Variants in ME1 observed in about 807,000 individuals in gnomAD.
ME1 encodes malic enzyme 1.
ME1 carries 74 observed loss-of-function variants against 66.4 expected under a neutral mutation model. That is an observed-to-expected ratio of 1.11 (90% CI 0.92 to 1.35). The LOEUF is 1.35. Among genes scored for constraint, ME1 ranks in the 40% most tolerant of loss-of-function variants. The pLI, the probability that ME1 is intolerant of heterozygous loss-of-function variation, is 0.00. For synonymous variants in ME1, 251 were observed against 235.6 expected (o/e 1.07, Z -0.60); for missense variants, 750 against 694.1 (o/e 1.08, Z -0.90).
rs144168766 is a variant in ME1, at chr6:83,409,853, C to T, written c.79-1952G>A. Among the ~76,000 whole-genome samples the T allele has an allele frequency of 4.8e-3, 725 of 152,322 alleles. 3 individuals carry two copies. The highest frequency in any genetic ancestry group is 0.016 in the African/African-American group (665 of 41,568). On this transcript the variant is annotated intron_variant, in intron 1 of 13. Transcript: ENST00000369705. ...GCCATTCTCATAGCTGCAAAAGCCC[C>T]CATTGTTACAGTTGGGCGTCCTCTG... is the stretch of plus-strand genomic sequence containing the variant.
chr6:83,385,442 G>A (rs1769487537), intron 3 of ME1, among the ~76,000 whole-genome samples: 3 of 151,656 alleles, frequency 2.0e-5, no homozygotes, highest in Admixed American at 6.6e-5. Context: ...ACACCTGAAC[G>A]TACCACACAG....
chr6:83,352,222 T>C (rs1164388800), intron 3 of ME1, 83 bp from the exon 4 acceptor site: 1 of 829,706 alleles, frequency 1.2e-6, no homozygotes. Flanking sequence ...AAATTTTTTT[T>C]CAAACAACAA....
intron 1 of ME1, among the ~76,000 whole-genome samples, chr6:83,426,056 C>G (rs1770366118): frequency 6.6e-6 from 1 of 152,178 alleles, no homozygotes; most frequent in Admixed American, 6.5e-5. Context: ...CTCCTTCTCA[C>G]CCTCTACCAT....
intron 1 of ME1, among the ~76,000 whole-genome samples, chr6:83,411,173 G>A (rs1770042482): frequency 1.3e-5 from 2 of 152,154 alleles, no homozygotes; most frequent in South Asian, 4.1e-4. Flanking sequence ...AGACCAGCCT[G>A]GCCAATATGG....
Position 83,404,289 on chromosome 6 carries a change from G to T in ME1, c.212+3479C>A, listed in dbSNP as rs1168520604. On this transcript the variant is annotated intron_variant, in intron 2 of 13. Coordinates refer to ENST00000369705, the MANE Select transcript of ME1 (RefSeq NM_002395.6). Reference sequence around the variant, plus strand: ...GAGTTTTTTTTCATGATTTTTGGCCGCATAAATGTCTTCTTTTGAGAAGTG... The same window carrying T: ...GAGTTTTTTTTCATGATTTTTGGCCTCATAAATGTCTTCTTTTGAGAAGTG... Among the ~76,000 whole-genome samples the T allele has an allele frequency of 2.6e-5, 4 of 152,018 alleles. No individual in the cohort carries two copies. In the South Asian group the frequency reaches 8.3e-4, roughly 32 times the overall value.
intron 5 of ME1, among the ~76,000 whole-genome samples, chr6:83,342,873 G>A (rs934835533): frequency 1.3e-5 from 2 of 151,834 alleles, no homozygotes; most frequent in African/African-American, 4.8e-5. Context: ...TTTAGTATAC[G>A]GGTTTTCTCT....
chr6:83,243,445 A>C, intron 7 of ME1, among the ~76,000 whole-genome samples: 1 of 122,396 alleles, frequency 8.2e-6, no homozygotes, highest in South Asian at 2.2e-4. Flanking sequence ...ATAATATATT[A>C]TATAATTAGA....
intron 6 of ME1, among the ~76,000 whole-genome samples, chr6:83,254,934 C>T (rs1766732513): frequency 1.3e-5 from 2 of 152,156 alleles, no homozygotes; most frequent in Admixed American, 1.3e-4. Flanking sequence ...ACTAATTTCT[C>T]ACTTCTTGTC....
Position 83,296,525 on chromosome 6 carries a change from A to G in ME1, c.704+18785T>C, listed in dbSNP as rs187413749. On this transcript the variant is annotated intron_variant, in intron 6 of 13. Transcript: ENST00000369705. Reference sequence around the variant, plus strand: ...TATTGAAGGAACATACCTCAAAATAATAAGAGCCATCTATGACAAACCAAC... The same window carrying G: ...TATTGAAGGAACATACCTCAAAATAGTAAGAGCCATCTATGACAAACCAAC... 4.1e-4 allele frequency among the ~76,000 whole-genome samples: 63 copies of G among 152,332 alleles called. No individual in the cohort carries two copies. The East Asian group carries it at 0.012, about 29-fold the overall frequency.
Position 83,398,460 on chromosome 6 carries a change from A to C in ME1, c.269T>G (p.Leu90Arg), listed in dbSNP as rs1769783198. 1.3e-6 allele frequency: 2 copies of C among 1,590,176 alleles called. No individual in the cohort carries two copies. The highest frequency in any genetic ancestry group is 2.7e-5 in the African/African-American group (2 of 74,152). The change falls in exon 3 of 14, where the codon CTG becomes CGG. Residue 90 changes from leucine to arginine, a missense_variant. Physicochemically the swap from Leu to Arg is moderately radical, Grantham distance 102. Transcript: ENST00000369705. ...CATGAATTTCTCAATGTCAGATGTC[A>C]GCACTCTATAAAAGAGTTTTTCATT... ...DRNEKLFYRVLTSDIEKFMPI... is the reference protein window; with the variant it reads ...DRNEKLFYRVRTSDIEKFMPI...
rs868843731 is a variant in ME1, at chr6:83,298,969, T to G, written c.704+16341A>C. On this transcript the variant is annotated intron_variant, in intron 6 of 13. Transcript: ENST00000369705. ...TTTTTTTTTTTTTTTTTTTTTTTTT[T>G]TTACCAGTACTATGCTGTTTTGGTT... 3.3e-5 allele frequency among the ~76,000 whole-genome samples: 4 copies of G among 122,342 alleles called. No homozygotes were observed. The South Asian group carries it at 1.1e-3, about 32-fold the overall frequency. 80.3% of individuals were successfully genotyped at this position (122,342 alleles called of 152,430 possible). A position where few individuals can be genotyped will look rare whatever the true frequency, so the allele number is the denominator to read the frequency against.
At position 83,316,959 on chromosome 6, in the gene ME1, T is replaced by TA. The variant is rs369750867; in HGVS notation, c.601-1547dup. ...GGGAATAACCTGCAAAAAATAAAAA[T>TA]AAAAAAAAAAGACCAAAGTGACACC... On this transcript the variant is annotated intron_variant, in intron 5 of 13. Coordinates refer to ENST00000369705, the MANE Select transcript of ME1 (RefSeq NM_002395.6). Among the ~76,000 whole-genome samples, 137 of 145,390 alleles carry TA rather than the reference T, an allele frequency of 9.4e-4. 2 individuals are homozygous for TA. Among genetic ancestry groups the TA allele is most frequent in the African/African-American group, 2.1e-3 (82 of 39,674 alleles).
At chr6:83,234,999 G>A (rs747255467) in intron 9 of ME1, among the ~76,000 whole-genome samples, 4 of 152,112 alleles carry the variant, frequency 2.6e-5, no homozygotes, top group African/African-American at 9.7e-5. Flanking sequence ...GAGATGAAAG[G>A]CATCATCTTT....
chr6:83,239,712 GA>G, intron 7 of ME1, 76 bp from the exon 8 acceptor site: 1 of 1,017,814 alleles, frequency 9.8e-7, no homozygotes, highest in Non-Finnish European at 1.5e-6. Flanking sequence ...TTCACAACTT[GA>G]AATAATCATA....
intron 3 of ME1, among the ~76,000 whole-genome samples, chr6:83,372,168 C>T (rs573302737): frequency 1.2e-4 from 19 of 152,174 alleles, no homozygotes; most frequent in Non-Finnish European, 2.5e-4. Context: ...ACACTTCTCC[C>T]GTAGAGAAGT....
intron 1 of ME1, among the ~76,000 whole-genome samples, chr6:83,416,535 C>G (rs1022460930): frequency 6.6e-6 from 1 of 152,152 alleles, no homozygotes; most frequent in Admixed American, 6.5e-5. Context: ...ACATCTTTTT[C>G]ACAAACTCTA....
intron 1 of ME1, among the ~76,000 whole-genome samples, chr6:83,414,727 C>A (rs537269384): frequency 1.3e-5 from 2 of 152,088 alleles, no homozygotes; most frequent in African/African-American, 4.8e-5. Flanking sequence ...GTTATAGATT[C>A]TTTGTAAGGC....
At chr6:83,393,606 G>GT (rs1769673502) in intron 3 of ME1, among the ~76,000 whole-genome samples, 1 of 96,232 alleles carries the variant, frequency 1.0e-5, no homozygotes, top group Non-Finnish European at 2.2e-5. Flanking sequence ...CCCTGTGCTT[G>GT]CCAAAAAAAA....
intron 3 of ME1, among the ~76,000 whole-genome samples, chr6:83,383,283 T>A (rs1420941972): frequency 6.6e-6 from 1 of 151,932 alleles, no homozygotes; most frequent in Admixed American, 6.6e-5. Context: ...TCTGAATGAT[T>A]GTTTTACATT....
Sources: gnomAD v4.1 joint callset for allele counts (sites outside exome capture counted in the v4.1 genomes callset) on GRCh38, gnomAD v4.1.1 for gene constraint, MANE v1.5 for transcripts, NCBI Gene and HGNC (gene_info 2026-07-23, HGNC 2026-07-21) for gene names.